The following ANKFN1 variants were observed in gnomAD, a reference collection of about 807,000 sequenced individuals.
ANKFN1 encodes the protein ankyrin repeat and fibronectin type-III domain-containing protein 1.
ANKFN1 carries 74 observed loss-of-function variants against 108.7 expected under a neutral mutation model. That is an observed-to-expected ratio of 0.68 (90% CI 0.56 to 0.83). The LOEUF is 0.83. ANKFN1 is among the 40% of genes least tolerant of loss of function. The pLI, the probability that ANKFN1 is intolerant of heterozygous loss-of-function variation, is 0.00. For missense variants in ANKFN1, 1,505 were observed against 1,382.3 expected (o/e 1.09, Z -1.41); for synonymous variants, 547 against 516.2 (o/e 1.06, Z -0.81).
Position 56,094,681 on chromosome 17 carries a change from T to G in ANKFN1, c.288+48356T>G, listed in dbSNP as rs866942755. ...ACCACGCCCAGCTAATTGGGTTTTT[T>G]TTTTTTTTTTTTGTATTTTTAGTAG... On this transcript the variant is annotated intron_variant, in intron 4 of 12. Transcript: ENST00000635860. 7.4e-3 allele frequency among the ~76,000 whole-genome samples: 1,046 copies of G among 141,636 alleles called. 39 individuals carry two copies. Among genetic ancestry groups the G allele is most frequent in the African/African-American group, 0.026 (1,003 of 38,896 alleles). 92.9% of individuals were successfully genotyped at this position (141,636 alleles called of 152,430 possible).
chr17:56,068,684 C>T (rs982199381), intron 4 of ANKFN1, among the ~76,000 whole-genome samples: 8 of 152,194 alleles, frequency 5.3e-5, no homozygotes, highest in Admixed American at 2.0e-4. Flanking sequence ...GCACCGTTTA[C>T]ATTGCAGGAT....
chr17:56,253,721 A>G (rs2043290089), intron 3 of ANKFN1, among the ~76,000 whole-genome samples: 1 of 152,180 alleles, frequency 6.6e-6, no homozygotes, highest in Non-Finnish European at 1.5e-5. Context: ...TCTGGACGAC[A>G]GAGTAAGATC....
chr17:56,253,293 C>A (rs1014454983), intron 3 of ANKFN1, among the ~76,000 whole-genome samples: 1 of 152,186 alleles, frequency 6.6e-6, no homozygotes, highest in South Asian at 2.1e-4. Flanking sequence ...AATACAACTG[C>A]TCTCACCCTA....
chr17:56,119,852 T>C (rs1218495702), intron 4 of ANKFN1, among the ~76,000 whole-genome samples: 1 of 152,162 alleles, frequency 6.6e-6, no homozygotes, highest in Non-Finnish European at 1.5e-5. Context: ...TTTTCAGGAT[T>C]ATTGCAATGA....
chr17:56,422,546 C>T (rs986809647), intron 8 of ANKFN1, among the ~76,000 whole-genome samples: 5 of 152,082 alleles, frequency 3.3e-5, no homozygotes, highest in Admixed American at 1.3e-4. Context: ...GAATATGCTG[C>T]TACAATTTTT....
At position 56,374,740 on chromosome 17, in the gene ANKFN1, T is replaced by C. The variant is rs371221010; in HGVS notation, c.910+26T>C. 41 of 1,541,554 alleles carry C rather than the reference T, an allele frequency of 2.7e-5. No individual in the cohort carries two copies. In the African/African-American group the frequency reaches 5.5e-4, roughly 21 times the overall value. On this transcript the variant is annotated intron_variant, in intron 8 of 20. Transcript: ENST00000682825. ...GTACTGGACCCAAGACATGTTTTCATCACTCCTTCTTAAAAAAGCATCTGC... is the reference window on the plus strand; with the variant it reads ...GTACTGGACCCAAGACATGTTTTCACCACTCCTTCTTAAAAAAGCATCTGC...
chr17:56,341,718 T>C (rs2045963893), intron 4 of ANKFN1, among the ~76,000 whole-genome samples: 1 of 152,064 alleles, frequency 6.6e-6, no homozygotes, highest in South Asian at 2.1e-4. Context: ...CAGTATTTTG[T>C]TGAGGATTTT....
intron 9 of ANKFN1, among the ~76,000 whole-genome samples, chr17:56,442,078 G>T (rs746237818): frequency 3.3e-5 from 5 of 151,986 alleles, no homozygotes; most frequent in Non-Finnish European, 7.4e-5. Flanking sequence ...AACATTATCA[G>T]CAAATAAAAA....
chr17:56,307,381 G>GA (rs1196537134), intron 3 of ANKFN1, among the ~76,000 whole-genome samples: 1 of 151,994 alleles, frequency 6.6e-6, no homozygotes, highest in African/African-American at 2.4e-5. Context: ...ACATTTACAA[G>GA]AAAAAAACAA....
intron 3 of ANKFN1, among the ~76,000 whole-genome samples, chr17:56,314,654 A>T (rs1442816391): frequency 6.6e-6 from 1 of 152,186 alleles, no homozygotes; most frequent in East Asian, 1.9e-4. Context: ...GACTGCAAAG[A>T]TTCACAGCTA....
chr17:56,315,559 A>C (rs2045179289), intron 3 of ANKFN1, among the ~76,000 whole-genome samples: 1 of 152,254 alleles, frequency 6.6e-6, no homozygotes, highest in South Asian at 2.1e-4. Flanking sequence ...AAGGAAGTGA[A>C]TAAGCCATTG....
intron 3 of ANKFN1, among the ~76,000 whole-genome samples, chr17:56,308,093 C>T (rs938458575): frequency 2.0e-5 from 3 of 151,866 alleles, no homozygotes; most frequent in African/African-American, 7.3e-5. Flanking sequence ...GTTGTGGGAT[C>T]GGGGGAGTGG....
chr17:56,478,188 C>T (rs1410078756), intron 16 of ANKFN1, among the ~76,000 whole-genome samples: 1 of 152,148 alleles, frequency 6.6e-6, no homozygotes, highest in Non-Finnish European at 1.5e-5. Context: ...AAGGCATGAG[C>T]CCATTAAAGA....
chr17:56,057,755 A>G (rs974709028), intron 4 of ANKFN1, among the ~76,000 whole-genome samples: 5 of 150,216 alleles, frequency 3.3e-5, no homozygotes, highest in Non-Finnish European at 5.9e-5. Context: ...CACTGCCCTC[A>G]GCCTGGGCAA....
intron 4 of ANKFN1, among the ~76,000 whole-genome samples, chr17:56,098,869 A>ATGTGTGTG (rs113050013): frequency 2.7e-4 from 41 of 150,948 alleles, no homozygotes; most frequent in African/African-American, 5.1e-4. Context: ...GCGTGTGTGC[A>ATGTGTGTG]TGTGTGTGTG....
intron 3 of ANKFN1, among the ~76,000 whole-genome samples, chr17:56,276,265 G>T (rs900608277): frequency 3.9e-5 from 6 of 152,164 alleles, no homozygotes; most frequent in Admixed American, 1.3e-4. Flanking sequence ...ATCATTGATG[G>T]ATATTTGAGT....
chr17:56,079,856 T>A (rs570297628), intron 4 of ANKFN1, among the ~76,000 whole-genome samples: 1 of 152,306 alleles, frequency 6.6e-6, no homozygotes, highest in East Asian at 1.9e-4. Context: ...CATGGAAATT[T>A]AACCTCTGTA....
At chr17:56,171,552 C>T (rs543545206) in intron 1 of ANKFN1, among the ~76,000 whole-genome samples, 1 of 152,302 alleles carries the variant, frequency 6.6e-6, no homozygotes, top group Admixed American at 6.5e-5. Flanking sequence ...TGGCATGATT[C>T]ATTTTCCATA....
rs908910890 is a variant in ANKFN1 at position 56,384,563 on chromosome 17, C to T, written c.910+9849C>T. Among the ~76,000 whole-genome samples the T allele has an allele frequency of 4.6e-5, 7 of 152,158 alleles. No individual in the cohort carries two copies. In the East Asian group the frequency reaches 9.6e-4, roughly 21 times the overall value. On this transcript the variant is annotated intron_variant, in intron 8 of 20. Coordinates refer to ENST00000682825, the MANE Select transcript of ANKFN1 (RefSeq NM_001370326.1). ...TCCCTGTTTGCAGATGACATGACTG[C>T]ATATCTAGAAAACCCCATTGTCTCA... is the stretch of plus-strand genomic sequence containing the variant.
Sources: gnomAD v4.1 joint callset for allele counts (sites outside exome capture counted in the v4.1 genomes callset) on GRCh38, gnomAD v4.1.1 for gene constraint, MANE v1.5 for transcripts, NCBI Gene and HGNC (gene_info 2026-07-23, HGNC 2026-07-21) for gene names.